HPSE2: variants seen among roughly 807,000 people sequenced by gnomAD.
HPSE2 encodes heparanase 2 (inactive), also known as inactive heparanase-2.
A neutral mutation model predicts 60.5 loss-of-function variants in HPSE2; 38 were observed. The observed-to-expected ratio is 0.63, with a 90% CI of 0.48 to 0.82. The LOEUF is 0.82. HPSE2 is among the 40% of genes least tolerant of loss of function. The probability of loss-of-function intolerance (pLI) is 0.00; values close to 1 mark genes in which losing one functional copy is unlikely to be tolerated. For missense variants in HPSE2, 713 were observed against 740.4 expected, an observed-to-expected ratio of 0.96 and a Z score of 0.43; for synonymous variants, 295 against 293.2, an observed-to-expected ratio of 1.01 and a Z score of -0.06.
chr10:99,015,356 G>C (rs1380211275), intron 3 of HPSE2, among the ~76,000 whole-genome samples: 1 of 152,158 alleles, frequency 6.6e-6, no homozygotes. Flanking sequence ...CTGCTATAAA[G>C]ACACATGCAC....
intron 2 of HPSE2, among the ~76,000 whole-genome samples, chr10:99,156,674 C>T (rs1412733021): frequency 8.3e-6 from 1 of 119,784 alleles, no homozygotes; most frequent in African/African-American, 2.6e-5. Context: ...GGAAGCATTC[C>T]CTTTGAAAAC....
intron 7 of HPSE2, among the ~76,000 whole-genome samples, 166 bp downstream of exon 7, chr10:98,641,681 C>T (rs1298143681): frequency 6.6e-6 from 1 of 152,064 alleles, no homozygotes; most frequent in East Asian, 1.9e-4. Context: ...AAATGACAGG[C>T]AACAACTGTG....
At chr10:99,032,470 A>G (rs1416174174) in intron 3 of HPSE2, among the ~76,000 whole-genome samples, 1 of 152,098 alleles carries the variant, frequency 6.6e-6, no homozygotes, top group African/African-American at 2.4e-5. Flanking sequence ...TCCCTGCCCC[A>G]TCCCTTTCAA....
At chr10:99,162,124 C>T (rs1392399372) in intron 2 of HPSE2, among the ~76,000 whole-genome samples, 1 of 152,068 alleles carries the variant, frequency 6.6e-6, no homozygotes, top group Non-Finnish European at 1.5e-5. Context: ...TGTAAAACAA[C>T]TATCAATGTA....
At chr10:99,242,269 G>A in the HPSE2 span, among the ~76,000 whole-genome samples, 1 of 152,160 alleles carries the variant, frequency 6.6e-6, no homozygotes, top group Non-Finnish European at 1.5e-5. Flanking sequence ...GAAAATACCT[G>A]AGAATTTTTA....
intron 6 of HPSE2, among the ~76,000 whole-genome samples, chr10:98,685,465 T>C (rs566022893): frequency 6.6e-6 from 1 of 152,320 alleles, no homozygotes; most frequent in African/African-American, 2.4e-5. Flanking sequence ...AATGCACTGA[T>C]TTTAAAAATT....
chr10:98,728,682 T>C (rs1949152678), intron 4 of HPSE2, among the ~76,000 whole-genome samples: 1 of 151,982 alleles, frequency 6.6e-6, no homozygotes. Flanking sequence ...TGTGATGAGT[T>C]AAGATGTATT....
chr10:98,893,027 C>A (rs957047600), intron 3 of HPSE2, among the ~76,000 whole-genome samples: 1 of 151,848 alleles, frequency 6.6e-6, no homozygotes, highest in Non-Finnish European at 1.5e-5. Context: ...GTATCATTAT[C>A]AATTTCATTT....
chr10:98,989,409 C>G (rs1482499499), intron 3 of HPSE2, among the ~76,000 whole-genome samples: 2 of 151,006 alleles, frequency 1.3e-5, no homozygotes, highest in Non-Finnish European at 2.9e-5. Context: ...AAAAACCAAA[C>G]ACTGCATGTT....
At chr10:98,460,030 G>T (rs1261350300) in intron 11 of HPSE2, among the ~76,000 whole-genome samples, 3 of 152,086 alleles carry the variant, frequency 2.0e-5, no homozygotes, top group Non-Finnish European at 4.4e-5. Context: ...GAGGTCCAGG[G>T]TTTGAACCCA....
intron 9 of HPSE2, among the ~76,000 whole-genome samples, chr10:98,580,819 T>G (rs1944773448): frequency 7.8e-6 from 1 of 128,402 alleles, no homozygotes; most frequent in Non-Finnish European, 1.6e-5. Context: ...AAGTTGTGCT[T>G]GGTTTTATAT....
At chr10:99,219,784 T>C (rs1462385704) in intron 2 of HPSE2, among the ~76,000 whole-genome samples, 4 of 152,214 alleles carry the variant, frequency 2.6e-5, no homozygotes, top group Non-Finnish European at 5.9e-5. Flanking sequence ...AGTGTAATTA[T>C]TTTTCTCCTG....
At chr10:99,007,239 A>G (rs931672702) in intron 3 of HPSE2, among the ~76,000 whole-genome samples, 2 of 152,044 alleles carry the variant, frequency 1.3e-5, no homozygotes, top group Non-Finnish European at 2.9e-5. Context: ...GAGTCCACAC[A>G]TACCAGCCTG....
At chr10:98,970,923 C>T (rs918308045) in intron 3 of HPSE2, among the ~76,000 whole-genome samples, 1 of 152,072 alleles carries the variant, frequency 6.6e-6, no homozygotes, top group Admixed American at 6.5e-5. Flanking sequence ...CCCCTAAAAA[C>T]CTTAAATAAA....
At chr10:98,716,405 G>A (rs1948790376) in intron 5 of HPSE2, among the ~76,000 whole-genome samples, 1 of 151,218 alleles carries the variant, frequency 6.6e-6, no homozygotes, top group Non-Finnish European at 1.5e-5. Flanking sequence ...CCTGCACAAT[G>A]TGCACAGGTA....
chr10:98,484,429 G>A (rs992671891), intron 10 of HPSE2, among the ~76,000 whole-genome samples: 44 of 152,130 alleles, frequency 2.9e-4, no homozygotes, highest in African/African-American at 9.7e-4. Context: ...GTAGAGATGG[G>A]GTTTCACCAT....
At chr10:99,187,019 A>G (rs188111557) in intron 2 of HPSE2, among the ~76,000 whole-genome samples, 1 of 152,214 alleles carries the variant, frequency 6.6e-6, no homozygotes, top group East Asian at 1.9e-4. Context: ...CCTGGACTCA[A>G]GCAATCCCCA....
chr10:99,001,780 A>C (rs1305458346), intron 3 of HPSE2, among the ~76,000 whole-genome samples: 1 of 152,098 alleles, frequency 6.6e-6, no homozygotes, highest in African/African-American at 2.4e-5. Context: ...ATATGACATA[A>C]ATTTGAATCT....
chr10:98,940,462 C>A (rs1954957856), intron 3 of HPSE2, among the ~76,000 whole-genome samples: 1 of 143,792 alleles, frequency 7.0e-6, no homozygotes, highest in Non-Finnish European at 1.5e-5. Flanking sequence ...CACCTCTACG[C>A]AAATAAACTA....
Sources: allele counts gnomAD v4.1 joint callset (sites outside exome capture counted in the v4.1 genomes callset), GRCh38; gene constraint gnomAD v4.1.1; transcripts MANE v1.5; gene names NCBI Gene and HGNC (gene_info 2026-07-23, HGNC 2026-07-21).